The following RSRC1 variants were observed in gnomAD, a reference collection of about 807,000 sequenced individuals.
The protein encoded by RSRC1 is serine/Arginine-related protein 53.
Under a neutral mutation model 49.1 loss-of-function variants are expected in RSRC1, and 39 were observed. The ratio of observed to expected loss-of-function variants is 0.79; its 90% CI spans 0.61 to 1.04. RSRC1 has a LOEUF of 1.04. Among genes scored for constraint, RSRC1 ranks in the 50% least tolerant of loss-of-function variants. The pLI is 0.00. For missense variants in RSRC1, 388 were observed against 402.4 expected, an observed-to-expected ratio of 0.96 and a Z score of 0.31; for synonymous variants, 143 against 130.8, an observed-to-expected ratio of 1.09 and a Z score of -0.63.
chr3:158,459,943 A>G (rs959232588), intron 6 of RSRC1, among the ~76,000 whole-genome samples: 29 of 152,046 alleles, frequency 1.9e-4, no homozygotes, highest in African/African-American at 6.0e-4. Flanking sequence ...TTCCCCTTTA[A>G]GCCAGTCATT....
chr3:158,527,748 T>C (rs1712132524), intron 7 of RSRC1, among the ~76,000 whole-genome samples: 1 of 151,946 alleles, frequency 6.6e-6, no homozygotes. Context: ...GGTTTTGAAA[T>C]TCAAAGTTAT....
intron 4 of RSRC1, among the ~76,000 whole-genome samples, chr3:158,284,975 A>G (rs1043959704): frequency 5.9e-5 from 9 of 152,160 alleles, no homozygotes; most frequent in Admixed American, 5.9e-4. Context: ...ACTCATGCCT[A>G]TGTCCTGAAT....
intron 7 of RSRC1, among the ~76,000 whole-genome samples, chr3:158,475,196 T>A (rs1738315653): frequency 6.6e-6 from 1 of 152,094 alleles, no homozygotes; most frequent in Admixed American, 6.6e-5. Flanking sequence ...AGTGCTGGGA[T>A]TACAGGCATG....
chr3:158,297,475 T>C (rs1157429764), intron 4 of RSRC1, among the ~76,000 whole-genome samples: 1 of 152,008 alleles, frequency 6.6e-6, no homozygotes, highest in Non-Finnish European at 1.5e-5. Flanking sequence ...TCCTGATTTG[T>C]AGTGTGCATT....
intron 3 of RSRC1, among the ~76,000 whole-genome samples, chr3:158,146,190 C>T (rs1717102247): frequency 6.6e-6 from 1 of 152,140 alleles, no homozygotes. Context: ...TGAGAGAGGG[C>T]CTCCCTGTCT....
Position 158,544,179 on chromosome 3 carries a change from T to G in RSRC1, c.913-4T>G. 6.2e-7 allele frequency: 1 copy of G among 1,601,248 alleles called. No individual in the cohort carries two copies. Among genetic ancestry groups the G allele is most frequent in the South Asian group, 1.1e-5 (1 of 90,108 alleles). On this transcript the variant is annotated splice_polypyrimidine_tract_variant and splice_region_variant and intron_variant, in intron 9 of 9. Transcript: ENST00000611884. ...CATTTTTTCTTTTTCTTTTCTTATT[T>G]CAGTTATTTATCGAGAAAGCTGATG...
intron 3 of RSRC1, among the ~76,000 whole-genome samples, chr3:158,148,556 T>C (rs1242272179): frequency 6.6e-6 from 1 of 152,058 alleles, no homozygotes; most frequent in African/African-American, 2.4e-5. Context: ...CATCTGTAAA[T>C]TGGGGTTACT....
intron 3 of RSRC1, among the ~76,000 whole-genome samples, chr3:158,128,287 G>A (rs1409144290): frequency 1.4e-4 from 22 of 152,112 alleles, no homozygotes; most frequent in Admixed American, 1.4e-3. Context: ...CTGGCCTTAG[G>A]GACAGGTAAA....
chr3:158,200,260 G>A (rs1334602730), intron 3 of RSRC1, among the ~76,000 whole-genome samples: 6 of 151,994 alleles, frequency 3.9e-5, no homozygotes, highest in Non-Finnish European at 7.4e-5. Flanking sequence ...GGATGGTCTC[G>A]ATCTCCTGAC....
intron 6 of RSRC1, 29 bp from the exon 7 acceptor site, chr3:158,460,906 G>T (rs755730693): frequency 2.7e-6 from 4 of 1,501,344 alleles, no homozygotes; most frequent in Non-Finnish European, 3.6e-6. Flanking sequence ...CATAAAATAA[G>T]TACAAAAATT....
intron 6 of RSRC1, among the ~76,000 whole-genome samples, chr3:158,445,153 G>A (rs1029968593): frequency 6.6e-6 from 1 of 152,104 alleles, no homozygotes; most frequent in African/African-American, 2.4e-5. Flanking sequence ...CCCATTACTG[G>A]GTGTATACCC....
At chr3:158,217,766 G>T (rs926817553) in intron 4 of RSRC1, among the ~76,000 whole-genome samples, 1 of 30,970 alleles carries the variant, frequency 3.2e-5, no homozygotes, top group Admixed American at 4.0e-4. Context: ...GTGTGTGTGT[G>T]GGGGGGGAAT....
At chr3:158,323,282 C>T (rs12636733) in intron 5 of RSRC1, among the ~76,000 whole-genome samples, 33,042 of 152,040 alleles carry the variant, frequency 0.22, 4,164 homozygotes, top group Non-Finnish European at 0.29. Flanking sequence ...GCTTTTTTAG[C>T]ATGGCTCCTT....
intron 4 of RSRC1, among the ~76,000 whole-genome samples, chr3:158,229,372 A>G (rs1722807454): frequency 1.9e-5 from 2 of 106,468 alleles, no homozygotes; most frequent in South Asian, 2.8e-4. Context: ...ACACACGTAT[A>G]TGTGTATGTA....
chr3:158,480,837 A>G (rs1009777884), intron 7 of RSRC1, among the ~76,000 whole-genome samples: 10 of 152,098 alleles, frequency 6.6e-5, no homozygotes, highest in Non-Finnish European at 1.2e-4. Flanking sequence ...ATTCATTATC[A>G]TAAAGTACTA....
intron 6 of RSRC1, among the ~76,000 whole-genome samples, chr3:158,388,666 G>T (rs1733097245): frequency 1.3e-5 from 2 of 149,230 alleles, no homozygotes; most frequent in African/African-American, 5.0e-5. Flanking sequence ...GCTGAACGCA[G>T]TGGCGAGATC....
intron 4 of RSRC1, among the ~76,000 whole-genome samples, chr3:158,255,647 A>G (rs1724502675): frequency 6.6e-6 from 1 of 152,184 alleles, no homozygotes; most frequent in Non-Finnish European, 1.5e-5. Context: ...TCTATAAATT[A>G]CCTTGGGCAG....
At chr3:158,251,119 T>C (rs1724188114) in intron 4 of RSRC1, among the ~76,000 whole-genome samples, 2 of 152,198 alleles carry the variant, frequency 1.3e-5, no homozygotes. Flanking sequence ...TTGTTGAAAA[T>C]GAGTTCGCTG....
intron 1 of RSRC1, chr3:158,110,567 C>T (rs1714312248): frequency 6.5e-6 from 1 of 152,726 alleles, no homozygotes; most frequent in Non-Finnish European, 1.5e-5. Context: ...CCTGGCTCAT[C>T]TTGCAATATA....
Sources: allele counts gnomAD v4.1 joint callset (sites outside exome capture counted in the v4.1 genomes callset), GRCh38; gene constraint gnomAD v4.1.1; transcripts MANE v1.5; gene names NCBI Gene and HGNC (gene_info 2026-07-23, HGNC 2026-07-21).